The following GALNT1 variants were observed in gnomAD, a reference collection of about 807,000 sequenced individuals.
GALNT1 encodes polypeptide N-acetylgalactosaminyltransferase 1, also known as GalNAc transferase 1.
A neutral mutation model predicts 65.7 loss-of-function variants in GALNT1; 17 were observed. That is an observed-to-expected ratio of 0.26 (90% CI 0.18 to 0.39). The LOEUF (loss-of-function observed/expected upper bound fraction) is 0.39, where lower values mean the gene tolerates loss of function less well. Among genes scored for constraint, GALNT1 ranks in the 10% least tolerant of loss-of-function variants. GALNT1 has a pLI of 1.00. For synonymous variants in GALNT1, 210 were observed against 219.7 expected (o/e 0.96, Z 0.39); for missense variants, 460 against 672.8 (o/e 0.68, Z 3.50).
chr18:35,694,466 A>G (rs569657671), intron 9 of GALNT1, among the ~76,000 whole-genome samples: 2 of 152,340 alleles, frequency 1.3e-5, no homozygotes, highest in East Asian at 1.9e-4. Flanking sequence ...ACCCTTGTGC[A>G]TTGTTGGTGT....
At chr18:35,690,336 G>A (rs979374114) in intron 7 of GALNT1, among the ~76,000 whole-genome samples, 2 of 152,120 alleles carry the variant, frequency 1.3e-5, no homozygotes, top group Non-Finnish European at 2.9e-5. Flanking sequence ...CGTGACGCAG[G>A]TTTGGAGAGG....
At chr18:35,633,623 A>G (rs898774717) in intron 1 of GALNT1, among the ~76,000 whole-genome samples, 3 of 152,136 alleles carry the variant, frequency 2.0e-5, no homozygotes, top group East Asian at 3.8e-4. Flanking sequence ...CAGCACACCA[A>G]CATGGCATGT....
At position 35,662,506 on chromosome 18, in the gene GALNT1, G is replaced by GCT. The variant is rs113386582; in HGVS notation, c.140-1121_140-1120dup. Among the ~76,000 whole-genome samples the GCT allele has an allele frequency of 6.4e-3, 974 of 152,198 alleles. 18 individuals carry two copies. The highest frequency in any genetic ancestry group is 0.022 in the African/African-American group (924 of 41,528). On this transcript the variant is annotated intron_variant, in intron 2 of 11. Coordinates refer to ENST00000269195, the MANE Select transcript of GALNT1 (RefSeq NM_020474.4). ...ATTGGTAGGTGGCTTTGTACCACTGGCTGAAACAATCACCCTAAAGTCAGC... is the reference window on the plus strand; with the variant it reads ...ATTGGTAGGTGGCTTTGTACCACTGGCTCTGAAACAATCACCCTAAAGTCAGC...
In GALNT1 at chr18:35,612,679, C is replaced by T. The variant is rs561490794; in HGVS notation, c.-104+30817C>T. 5.3e-5 allele frequency among the ~76,000 whole-genome samples: 8 copies of T among 152,234 alleles called. 1 individual carries two copies. Among genetic ancestry groups the T allele is most frequent in the Admixed American group, 3.9e-4 (6 of 15,286 alleles). ...AGGCATTCAAGACCAGCCTGGCCAA[C>T]GTGATGAAACTCTGTCTTTGCTAAA... On this transcript the variant is annotated intron_variant, in intron 1 of 11. Transcript: ENST00000269195.
chr18:35,672,082 T>C (rs2047645375), intron 3 of GALNT1, among the ~76,000 whole-genome samples: 1 of 152,252 alleles, frequency 6.6e-6, no homozygotes, highest in Non-Finnish European at 1.5e-5. Flanking sequence ...ATTTACTGGC[T>C]ATGTGGTTTA....
At chr18:35,675,368 T>C (rs188730294) in intron 3 of GALNT1, among the ~76,000 whole-genome samples, 58 of 152,340 alleles carry the variant, frequency 3.8e-4, no homozygotes, top group African/African-American at 1.3e-3. Context: ...TTTGTTATGG[T>C]CTCTGATTAA....
rs896957319 is a variant in GALNT1 at position 35,708,688 on chromosome 18, G to A, written c.1534-936G>A. Among the ~76,000 whole-genome samples the A allele has an allele frequency of 2.0e-5, 3 of 152,150 alleles. No homozygotes were observed. In the South Asian group the frequency reaches 6.2e-4, roughly 31 times the overall value. ...CCAGAGCATATTATCACAATCATTG[G>A]TGTGGATCATTGTTAACTATCTATC... On this transcript the variant is annotated intron_variant, in intron 11 of 11. Coordinates refer to ENST00000269195, the MANE Select transcript of GALNT1 (RefSeq NM_020474.4).
At chr18:35,648,116 G>A (rs1258726401) in intron 1 of GALNT1, among the ~76,000 whole-genome samples, 3 of 128,990 alleles carry the variant, frequency 2.3e-5, no homozygotes, top group Non-Finnish European at 4.8e-5. Context: ...AGGAGGGAAG[G>A]AAAGAGGGAG....
intron 9 of GALNT1, among the ~76,000 whole-genome samples, chr18:35,694,185 G>C (rs2048015861): frequency 6.6e-6 from 1 of 152,240 alleles, no homozygotes; most frequent in Non-Finnish European, 1.5e-5. Flanking sequence ...GTTTTGAAGA[G>C]AGAATGGAAG....
intron 1 of GALNT1, among the ~76,000 whole-genome samples, chr18:35,586,532 T>G (rs1462329767): frequency 1.3e-5 from 2 of 150,518 alleles, no homozygotes; most frequent in East Asian, 1.9e-4. Context: ...GATTTTTCCC[T>G]TGTGCTTTTT....
At chr18:35,689,365 T>G in intron 7 of GALNT1, 75 bp downstream of exon 7, 1 of 838,972 alleles carries the variant, frequency 1.2e-6, no homozygotes, top group Non-Finnish European at 1.9e-6. Context: ...CATGTATCTC[T>G]ACATAAAAAA....
chr18:35,677,812 TA>T (rs1306065441), intron 4 of GALNT1, 55 bp downstream of exon 4: 18 of 1,267,364 alleles, frequency 1.4e-5, no homozygotes, highest in Non-Finnish European at 1.9e-5. Context: ...CACTAACGGT[TA>T]AAACTAGTTG....
At position 35,608,129 on chromosome 18, in the gene GALNT1, T is replaced by G. The variant is rs542172169; in HGVS notation, c.-104+26267T>G. ...TCCCTCTCTAGTTAGTTAGATATTT[T>G]AAAATTTTTCTCAGTAATATTTTTT... On this transcript the variant is annotated intron_variant, in intron 1 of 11. Transcript: ENST00000269195. 1.6e-4 allele frequency among the ~76,000 whole-genome samples: 25 copies of G among 152,316 alleles called. No individual in the cohort carries two copies. The South Asian group carries it at 5.2e-3, about 32-fold the overall frequency.
intron 1 of GALNT1, among the ~76,000 whole-genome samples, chr18:35,648,592 GGT>G (rs1421427643): frequency 6.6e-6 from 1 of 152,170 alleles, no homozygotes; most frequent in East Asian, 1.9e-4. Flanking sequence ...TAACTTATGT[GGT>G]TGGGACAAAA....
chr18:35,597,479 A>G (rs912299532), intron 1 of GALNT1: 3 of 152,238 alleles, frequency 2.0e-5, no homozygotes, highest in Non-Finnish European at 4.4e-5. Context: ...TAGTTTACTT[A>G]TATAAGACAA....
intron 1 of GALNT1, among the ~76,000 whole-genome samples, chr18:35,604,457 C>A (rs2046622229): frequency 6.6e-6 from 1 of 152,148 alleles, no homozygotes; most frequent in Admixed American, 6.6e-5. Context: ...ATTGCTGGGT[C>A]AAGTAGTAGT....
At chr18:35,607,108 A>G (rs2046659795) in intron 1 of GALNT1, among the ~76,000 whole-genome samples, 2 of 151,904 alleles carry the variant, frequency 1.3e-5, no homozygotes, top group Non-Finnish European at 2.9e-5. Context: ...TAGGCTGGCC[A>G]CTCTGCCCTC....
At chr18:35,678,262 A>G (rs1330085780) in intron 4 of GALNT1, among the ~76,000 whole-genome samples, 3 of 152,182 alleles carry the variant, frequency 2.0e-5, no homozygotes, top group Non-Finnish European at 4.4e-5. Flanking sequence ...GGAATGATCT[A>G]TAGCTAGGTG....
intron 4 of GALNT1, among the ~76,000 whole-genome samples, chr18:35,680,814 C>T (rs1336819013): frequency 6.6e-6 from 1 of 152,078 alleles, no homozygotes; most frequent in Non-Finnish European, 1.5e-5. Flanking sequence ...TGCTGTGTAC[C>T]TCACTTCTGA....
Sources: allele counts gnomAD v4.1 joint callset (sites outside exome capture counted in the v4.1 genomes callset), GRCh38; gene constraint gnomAD v4.1.1; transcripts MANE v1.5; gene names NCBI Gene and HGNC (gene_info 2026-07-23, HGNC 2026-07-21).